The following CNTN4 variants were observed in gnomAD, a reference collection of about 807,000 sequenced individuals.
The protein encoded by CNTN4 is contactin 4.
CNTN4 carries 77 observed loss-of-function variants against 122.5 expected under a neutral mutation model. That is an observed-to-expected ratio of 0.63 (90% CI 0.52 to 0.76). CNTN4 has a LOEUF of 0.76. Ranked by LOEUF, CNTN4 falls within the 30% of genes least tolerant of loss-of-function variation. CNTN4 has a pLI of 0.00. For synonymous variants in CNTN4, 512 were observed against 447.0 expected (o/e 1.15, Z -1.83); for missense variants, 1,256 against 1,259.1 (o/e 1.00, Z 0.04).
intron 2 of CNTN4, among the ~76,000 whole-genome samples, chr3:2,174,824 G>A (rs1319597815): frequency 6.6e-6 from 1 of 152,164 alleles, no homozygotes; most frequent in East Asian, 1.9e-4. Flanking sequence ...GGCAAAGCAG[G>A]AGCGGGCACA....
chr3:2,722,165 A>T (rs2087901238), intron 4 of CNTN4, among the ~76,000 whole-genome samples: 1 of 152,212 alleles, frequency 6.6e-6, no homozygotes, highest in Admixed American at 6.5e-5. Context: ...TTCTTCCTAG[A>T]TTCTCTATTC....
chr3:2,394,016 A>G (rs2046541462), intron 3 of CNTN4, among the ~76,000 whole-genome samples: 4 of 152,162 alleles, frequency 2.6e-5, no homozygotes, highest in Admixed American at 1.3e-4. Flanking sequence ...TCATCTTACA[A>G]ATAAGAAAAG....
intron 2 of CNTN4, among the ~76,000 whole-genome samples, chr3:2,286,975 A>G (rs557924895): frequency 2.0e-4 from 31 of 152,332 alleles, no homozygotes; most frequent in African/African-American, 7.0e-4. Flanking sequence ...AGGTAGAAGT[A>G]TGAAGAATCT....
At chr3:3,007,535 A>T (rs967296430) in intron 14 of CNTN4, among the ~76,000 whole-genome samples, 5 of 152,234 alleles carry the variant, frequency 3.3e-5, no homozygotes, top group African/African-American at 9.6e-5. Flanking sequence ...GTCATTTTTC[A>T]AATAACCTGT....
At chr3:2,772,279 A>T (rs1358690955) in intron 6 of CNTN4, among the ~76,000 whole-genome samples, 1 of 152,028 alleles carries the variant, frequency 6.6e-6, no homozygotes, top group Non-Finnish European at 1.5e-5. Flanking sequence ...CCAATATCGC[A>T]GGCAAGAAAT....
intron 2 of CNTN4, among the ~76,000 whole-genome samples, chr3:2,191,406 G>A (rs1461237732): frequency 1.3e-5 from 2 of 152,008 alleles, no homozygotes; most frequent in African/African-American, 4.8e-5. Context: ...GCTGGAGAAA[G>A]GTGGGAGCAC....
chr3:2,505,035 T>G (rs969059440), intron 3 of CNTN4, among the ~76,000 whole-genome samples: 9 of 152,100 alleles, frequency 5.9e-5, no homozygotes, highest in African/African-American at 2.2e-4. Context: ...TTTGGAAAAT[T>G]TGAGTATAGA....
chr3:2,809,945 C>G (rs1228931629), intron 6 of CNTN4, among the ~76,000 whole-genome samples: 2 of 152,180 alleles, frequency 1.3e-5, no homozygotes. Flanking sequence ...AAATAGCCAT[C>G]AGGAACGCTG....
At chr3:2,698,175 G>C (rs1467677251) in intron 4 of CNTN4, among the ~76,000 whole-genome samples, 1 of 152,172 alleles carries the variant, frequency 6.6e-6, no homozygotes, top group Admixed American at 6.5e-5. Context: ...GTTGTCAAGA[G>C]AACATACTAT....
intron 23 of CNTN4, among the ~76,000 whole-genome samples, chr3:3,050,623 C>T (rs1206869830): frequency 6.6e-6 from 1 of 151,968 alleles, no homozygotes; most frequent in Non-Finnish European, 1.5e-5. Context: ...ATCAGCAGGG[C>T]ATGGTGGCGC....
At chr3:2,369,648 A>AACCAGATGCTTC (rs2045554129) in intron 3 of CNTN4, among the ~76,000 whole-genome samples, 1 of 152,112 alleles carries the variant, frequency 6.6e-6, no homozygotes, top group Non-Finnish European at 1.5e-5. Flanking sequence ...TTCTCTTAGA[A>AACCAGATGCTTC]ACCAGATGCT....
intron 4 of CNTN4, among the ~76,000 whole-genome samples, chr3:2,707,767 C>T (rs2086832088): frequency 6.6e-6 from 1 of 152,040 alleles, no homozygotes; most frequent in Non-Finnish European, 1.5e-5. Flanking sequence ...CTTTAGCCTC[C>T]CTAAGTGCTG....
chr3:2,497,540 A>T (rs1165624526), intron 3 of CNTN4, among the ~76,000 whole-genome samples: 2 of 152,200 alleles, frequency 1.3e-5, no homozygotes, highest in African/African-American at 4.8e-5. Context: ...GATCTTCAGT[A>T]AGAAGAGGTT....
Position 2,549,125 on chromosome 3 carries a change from A to G in CNTN4, c.-88-22291A>G, listed in dbSNP as rs568239217. On this transcript the variant is annotated intron_variant, in intron 3 of 24. Transcript: ENST00000418658. ...TACAATCATGTCGGGTTTTCTAAATATACAATCATGTCATCTGCAAACAGA... is the reference window on the plus strand; with the variant it reads ...TACAATCATGTCGGGTTTTCTAAATGTACAATCATGTCATCTGCAAACAGA... 7.0e-5 allele frequency among the ~76,000 whole-genome samples: 10 copies of G among 143,124 alleles called. No individual in the cohort carries two copies. The South Asian group carries it at 2.0e-3, about 28-fold the overall frequency. 93.9% of individuals were successfully genotyped at this position (143,124 alleles called of 152,430 possible). A position where few individuals can be genotyped will look rare whatever the true frequency, so the allele number is the denominator to read the frequency against.
intron 3 of CNTN4, among the ~76,000 whole-genome samples, chr3:2,537,892 A>T (rs1575901268): frequency 6.6e-6 from 1 of 151,710 alleles, no homozygotes; most frequent in African/African-American, 2.4e-5. Context: ...GTGGAATGAA[A>T]CTCCCTCCTT....
intron 6 of CNTN4, among the ~76,000 whole-genome samples, chr3:2,764,883 A>T (rs958048429): frequency 6.6e-6 from 1 of 152,222 alleles, no homozygotes; most frequent in African/African-American, 2.4e-5. Flanking sequence ...GAACTCAGAC[A>T]TAAAAAAATT....
At chr3:2,741,260 C>G (rs935246157) in intron 5 of CNTN4, among the ~76,000 whole-genome samples, 2 of 152,142 alleles carry the variant, frequency 1.3e-5, no homozygotes, top group Admixed American at 1.3e-4. Flanking sequence ...AAAGGATGAC[C>G]AAGTTCTAGG....
chr3:2,993,369 C>T (rs953076396), intron 14 of CNTN4, among the ~76,000 whole-genome samples: 9 of 150,798 alleles, frequency 6.0e-5, no homozygotes, highest in Non-Finnish European at 8.8e-5. Flanking sequence ...GAGATCTCAG[C>T]TCACTGCAAC....
chr3:2,225,407 G>A (rs2039242314), intron 2 of CNTN4, among the ~76,000 whole-genome samples: 1 of 151,940 alleles, frequency 6.6e-6, no homozygotes, highest in South Asian at 2.1e-4. Context: ...CCAGCTACTT[G>A]GGAGGCTGAG....
Sources: gnomAD v4.1 joint callset for allele counts (sites outside exome capture counted in the v4.1 genomes callset) on GRCh38, gnomAD v4.1.1 for gene constraint, MANE v1.5 for transcripts, NCBI Gene and HGNC (gene_info 2026-07-23, HGNC 2026-07-21) for gene names.